Variants in RHBDL3 observed in about 807,000 individuals in gnomAD.
RHBDL3 encodes rhomboid-related protein 3.
A neutral mutation model predicts 48.2 loss-of-function variants in RHBDL3; 28 were observed. That is an observed-to-expected ratio of 0.58 (90% CI 0.43 to 0.80). The LOEUF (loss-of-function observed/expected upper bound fraction) is 0.80. RHBDL3 is among the 30% of genes least tolerant of loss of function. The pLI, the probability that RHBDL3 is intolerant of heterozygous loss-of-function variation, is 0.00. For synonymous variants in RHBDL3, 208 were observed against 232.3 expected (o/e 0.90, Z 0.95); for missense variants, 464 against 542.7 (o/e 0.85, Z 1.44).
chr17:32,305,907 G>A (rs1469372516), intron 7 of RHBDL3, among the ~76,000 whole-genome samples: 1 of 129,228 alleles, frequency 7.7e-6, no homozygotes, highest in Non-Finnish European at 1.7e-5. Flanking sequence ...GAGAGAGTGA[G>A]ATTCTTTCTC....
intron 2 of RHBDL3, among the ~76,000 whole-genome samples, chr17:32,270,950 C>A (rs557593623): frequency 6.6e-6 from 1 of 152,292 alleles, no homozygotes; most frequent in South Asian, 2.1e-4. Context: ...AATCCCAACA[C>A]TTTGGGAAGC....
intron 5 of RHBDL3, among the ~76,000 whole-genome samples, chr17:32,297,582 C>T (rs769451447): frequency 2.0e-5 from 3 of 150,288 alleles, no homozygotes; most frequent in Non-Finnish European, 4.4e-5. Flanking sequence ...GTCAGCGTGG[C>T]CACTAACTGT....
chr17:32,318,215 G>C (rs1943081085), intron 8 of RHBDL3, among the ~76,000 whole-genome samples: 1 of 151,550 alleles, frequency 6.6e-6, no homozygotes. Context: ...TTAAAAATTA[G>C]CCAGGCATGG....
rs775009726 is a variant in RHBDL3, at chr17:32,305,323, G to A, written c.782-18G>A. 2.0e-5 allele frequency: 32 copies of A among 1,585,236 alleles called. 1 individual carries two copies. In the South Asian group the frequency reaches 2.4e-4, roughly 12 times the overall value. On this transcript the variant is annotated intron_variant, in intron 6 of 8. Coordinates refer to ENST00000269051, the MANE Select transcript of RHBDL3 (RefSeq NM_138328.3). ...GAGTCCCGCACTCCTGAGAATTCTC[G>A]CTGTCTTTCTGTACTAGGGTCCTTG...
chr17:32,321,758 A>G lies in RHBDL3; in HGVS notation c.*529A>G. 1 of 217,890 alleles carries G rather than the reference A, an allele frequency of 4.6e-6. No homozygotes were observed. The highest frequency in any genetic ancestry group is 9.3e-6 in the Non-Finnish European group (1 of 107,318). 13.5% of individuals were successfully genotyped at this position (217,890 alleles called of 1,614,324 possible). On this transcript the variant is annotated 3_prime_UTR_variant, in exon 9 of 9. Transcript: ENST00000269051. ...GGGCCTACTGGACATGTCAGCTGTGACCTGGCTGAAACCAGGGTGCCCTCC... is the reference window on the plus strand; with the variant it reads ...GGGCCTACTGGACATGTCAGCTGTGGCCTGGCTGAAACCAGGGTGCCCTCC...
intron 2 of RHBDL3, 40 bp downstream of exon 2, chr17:32,267,965 C>T (rs752666190): frequency 6.6e-7 from 1 of 1,518,208 alleles, no homozygotes; most frequent in Non-Finnish European, 9.2e-7. Flanking sequence ...TCCAGCCCTC[C>T]CTGAAATCGG....
At chr17:32,292,692 C>CT (rs1234948195) in intron 4 of RHBDL3, among the ~76,000 whole-genome samples, 2 of 151,484 alleles carry the variant, frequency 1.3e-5, no homozygotes, top group Non-Finnish European at 2.9e-5. Context: ...ATCCCAGCTA[C>CT]TTGGGAGGCT....
At position 32,284,709 on chromosome 17, in the gene RHBDL3, T is replaced by C. The variant is rs773333121; in HGVS notation, c.186T>C (p.Leu62=). 3 of 1,614,174 alleles carry C rather than the reference T, an allele frequency of 1.9e-6. No homozygotes were observed. Among genetic ancestry groups the C allele is most frequent in the Non-Finnish European group, 1.7e-6 (2 of 1,180,020 alleles). Residue 62 remains leucine (L), a synonymous_variant, in exon 3 of 9, where the codon CTT becomes CTC. Coordinates refer to ENST00000269051, the MANE Select transcript of RHBDL3 (RefSeq NM_138328.3). ...TTAGCACAGGCAAGTTCCGGAGTCT[T>C]CTGGAGAGCCACAGCTCCAAGCTGG... ...GYISTGKFRS[L]LESHSSKLDP...
In RHBDL3 at chr17:32,323,570, T is replaced by A. The variant is rs1270811467; in HGVS notation, c.*2341T>A. 2 of 152,108 alleles carry A rather than the reference T, an allele frequency of 1.3e-5. No homozygotes were observed. The highest frequency in any genetic ancestry group is 2.9e-5 in the Non-Finnish European group (2 of 68,028). 9.4% of individuals were successfully genotyped at this position (152,108 alleles called of 1,614,324 possible). On this transcript the variant is annotated 3_prime_UTR_variant, in exon 9 of 9. Transcript: ENST00000269051. ...GTCTGGTATGACCTGGAGAGGGGGC[T>A]TCCTCTCTTAGGGGTGAGAAAGCAT...
At position 32,322,218 on chromosome 17, in the gene RHBDL3, C is replaced by A. The variant is rs976563651; in HGVS notation, c.*989C>A. ...GAGAAGGCATGGAGGATGCAGGGGG[C>A]CCATGTGGGCATCCGTGAGAGGTGG... On this transcript the variant is annotated 3_prime_UTR_variant, in exon 9 of 9. Transcript: ENST00000269051. The A allele has an allele frequency of 1.3e-5, 2 of 152,372 alleles. No individual in the cohort carries two copies. The highest frequency in any genetic ancestry group is 4.8e-5 in the African/African-American group (2 of 41,396). 9.4% of individuals were successfully genotyped at this position (152,372 alleles called of 1,614,324 possible). A position where few individuals can be genotyped will look rare whatever the true frequency, so the allele number is the denominator to read the frequency against.
Position 32,283,780 on chromosome 17 carries a change from C to T in RHBDL3, c.136-879C>T, listed in dbSNP as rs959019331. ...AAGTACCGGGGATAAGTTGTGATAC[C>T]GACCCGCGAGGCGCCGCGGTCCAAG... On this transcript the variant is annotated intron_variant, in intron 2 of 8. Transcript: ENST00000269051. 7.2e-5 allele frequency among the ~76,000 whole-genome samples: 11 copies of T among 152,174 alleles called. 2 individuals carry two copies. Among genetic ancestry groups the T allele is most frequent in the Admixed American group, 6.5e-4 (10 of 15,274 alleles).
At chr17:32,305,544 A>G (rs1375563278) in intron 7 of RHBDL3, 103 bp downstream of exon 7, 2 of 811,680 alleles carry the variant, frequency 2.5e-6, no homozygotes, top group Non-Finnish European at 4.3e-6. Flanking sequence ...AACCAGGCAG[A>G]CCTGACCTGG....
At chr17:32,293,174 G>GGGT (rs373533310) in intron 4 of RHBDL3, among the ~76,000 whole-genome samples, 39 of 82,008 alleles carry the variant, frequency 4.8e-4, no homozygotes, top group African/African-American at 2.1e-3. Flanking sequence ...GCTGGAGGGA[G>GGGT]GGGGTGGGGC....
At chr17:32,277,333 A>G (rs2039936822) in intron 2 of RHBDL3, among the ~76,000 whole-genome samples, 1 of 152,218 alleles carries the variant, frequency 6.6e-6, no homozygotes, top group Admixed American at 6.5e-5. Context: ...TCACACATAC[A>G]TCATAGACAC....
chr17:32,278,298 AAAAAAT>A (rs1489792577), intron 2 of RHBDL3, among the ~76,000 whole-genome samples: 1 of 152,192 alleles, frequency 6.6e-6, no homozygotes, highest in African/African-American at 2.4e-5. Context: ...CTCCATCTCA[AAAAAAT>A]AAAAATAAAC....
Position 32,283,317 on chromosome 17 carries a change from CTTT to C in RHBDL3, c.136-1322_136-1320del, listed in dbSNP as rs1156849774. Among the ~76,000 whole-genome samples, 480 of 92,900 alleles carry C rather than the reference CTTT, an allele frequency of 5.2e-3. 2 individuals are homozygous for C. Among genetic ancestry groups the C allele is most frequent in the African/African-American group, 0.019 (440 of 23,010 alleles). 60.9% of individuals were successfully genotyped at this position (92,900 alleles called of 152,430 possible). The stretch of plus-strand genomic sequence containing the variant: ...GGTGACTAAGATCCTGCCTTTTCTT[CTTT>C]TTTTTTTTTTTTTTTTTTTGAGATG... On this transcript the variant is annotated intron_variant, in intron 2 of 8. Coordinates refer to ENST00000269051, the MANE Select transcript of RHBDL3 (RefSeq NM_138328.3).
intron 4 of RHBDL3, among the ~76,000 whole-genome samples, chr17:32,289,476 A>G (rs1322377501): frequency 6.6e-6 from 1 of 152,188 alleles, no homozygotes; most frequent in East Asian, 1.9e-4. Flanking sequence ...TCCCTCTCCC[A>G]GGACACCTTT....
chr17:32,266,408 G>A, intron 1 of RHBDL3, 108 bp downstream of exon 1: 1 of 536,000 alleles, frequency 1.9e-6, no homozygotes, highest in Non-Finnish European at 3.0e-6. Flanking sequence ...GGTGACGCGG[G>A]AGCGCCCCGG....
At chr17:32,276,254 A>C (rs766139532) in intron 2 of RHBDL3, among the ~76,000 whole-genome samples, 4 of 151,894 alleles carry the variant, frequency 2.6e-5, no homozygotes, top group Non-Finnish European at 5.9e-5. Context: ...ACAAAAAAAC[A>C]AAAAAAATTG....
Sources: allele counts gnomAD v4.1 joint callset (sites outside exome capture counted in the v4.1 genomes callset), GRCh38; gene constraint gnomAD v4.1.1; transcripts MANE v1.5; gene names NCBI Gene and HGNC (gene_info 2026-07-23, HGNC 2026-07-21).